Variants in ARHGAP10 observed in about 807,000 individuals in gnomAD.
ARHGAP10 encodes Rho GTPase activating protein 10, also known as rho GTPase-activating protein 10.
ARHGAP10 carries 87 observed loss-of-function variants against 108.6 expected under a neutral mutation model. That is an observed-to-expected ratio of 0.80 (90% CI 0.67 to 0.96). The LOEUF (loss-of-function observed/expected upper bound fraction) is 0.96, where lower values mean the gene tolerates loss of function less well. Ranked by LOEUF, ARHGAP10 falls within the 40% of genes least tolerant of loss-of-function variation. The probability of loss-of-function intolerance (pLI) is 0.00; values close to 1 mark genes in which losing one functional copy is unlikely to be tolerated. For synonymous variants in ARHGAP10, 347 were observed against 341.1 expected, an observed-to-expected ratio of 1.02 and a Z score of -0.19; for missense variants, 939 against 954.5, an observed-to-expected ratio of 0.98 and a Z score of 0.21.
intron 1 of ARHGAP10, among the ~76,000 whole-genome samples, chr4:147,743,882 A>G (rs1728798894): frequency 1.3e-5 from 2 of 152,220 alleles, no homozygotes; most frequent in African/African-American, 4.8e-5. Context: ...AATTGCCTGA[A>G]CCATAGTGAA....
At chr4:147,740,747 T>A (rs1728622718) in intron 1 of ARHGAP10, among the ~76,000 whole-genome samples, 1 of 152,206 alleles carries the variant, frequency 6.6e-6, no homozygotes. Flanking sequence ...TTTAACTTAT[T>A]CTTTTAGTAT....
At chr4:147,980,082 GGTGAGAGTGGACACCCTTGTCTA>G (rs1401086900) in intron 18 of ARHGAP10, among the ~76,000 whole-genome samples, 1 of 152,162 alleles carries the variant, frequency 6.6e-6, no homozygotes, top group Admixed American at 6.6e-5. Flanking sequence ...GAATAGGAAT[GGTGAGAGTGGACACCCTTGTCTA>G]GTTCCGGTTC....
intron 8 of ARHGAP10, among the ~76,000 whole-genome samples, chr4:147,876,613 A>G (rs1467431842): frequency 1.3e-5 from 2 of 152,080 alleles, no homozygotes; most frequent in Non-Finnish European, 2.9e-5. Flanking sequence ...AAAAAACAAA[A>G]CAAAACAAAA....
At chr4:147,907,630 G>A (rs1353648468) in intron 11 of ARHGAP10, among the ~76,000 whole-genome samples, 2 of 152,210 alleles carry the variant, frequency 1.3e-5, no homozygotes, top group Non-Finnish European at 2.9e-5. Context: ...GCATTGGTGA[G>A]TGTATAGGAA....
chr4:148,050,048 G>T (rs546521267), intron 20 of ARHGAP10, among the ~76,000 whole-genome samples: 10 of 152,114 alleles, frequency 6.6e-5, no homozygotes, highest in Admixed American at 5.2e-4. Flanking sequence ...CATATTTTTG[G>T]TAGAGATGGG....
At chr4:148,016,740 GC>G (rs1468608693) in intron 18 of ARHGAP10, among the ~76,000 whole-genome samples, 9 of 152,166 alleles carry the variant, frequency 5.9e-5, no homozygotes, top group African/African-American at 2.2e-4. Context: ...CCCCAAGACT[GC>G]CCCCTTTTCA....
At chr4:148,002,335 T>C (rs1398445709) in intron 18 of ARHGAP10, among the ~76,000 whole-genome samples, 2 of 152,208 alleles carry the variant, frequency 1.3e-5, no homozygotes, top group Non-Finnish European at 2.9e-5. Flanking sequence ...TTGAGGATTT[T>C]TGCATCAATG....
intron 19 of ARHGAP10, among the ~76,000 whole-genome samples, chr4:148,032,073 C>A (rs575672644): frequency 1.3e-5 from 2 of 152,146 alleles, no homozygotes; most frequent in South Asian, 4.2e-4. Context: ...TTTGCTGTTG[C>A]TTTTCTGTTT....
At chr4:148,066,644 G>A (rs1402886998) in intron 22 of ARHGAP10, among the ~76,000 whole-genome samples, 1 of 152,238 alleles carries the variant, frequency 6.6e-6, no homozygotes, top group Non-Finnish European at 1.5e-5. Context: ...GAGGAGGAGA[G>A]CCACTGACTG....
intron 8 of ARHGAP10, 32 bp downstream of exon 8, chr4:147,875,182 T>C (rs1360479825): frequency 6.6e-7 from 1 of 1,525,332 alleles, no homozygotes; most frequent in Admixed American, 2.4e-5. Flanking sequence ...GCTGCGTGGC[T>C]GCTTAAAAAT....
chr4:147,824,636 AC>A (rs150967892), intron 3 of ARHGAP10, among the ~76,000 whole-genome samples: 2,801 of 152,262 alleles, frequency 0.018, 87 homozygotes, highest in African/African-American at 0.064. Context: ...CACCTTCTTC[AC>A]AAGGTGGCAG....
chr4:147,848,706 T>C (rs1733733361), intron 4 of ARHGAP10, among the ~76,000 whole-genome samples: 1 of 152,224 alleles, frequency 6.6e-6, no homozygotes, highest in Admixed American at 6.5e-5. Context: ...GAAATGAAAA[T>C]TGAGTGCGAG....
chr4:148,047,948 A>G (rs142908675), intron 20 of ARHGAP10, among the ~76,000 whole-genome samples: 1,625 of 151,984 alleles, frequency 0.011, 18 homozygotes, highest in African/African-American at 0.031. Context: ...TCAGCCTCCC[A>G]AGTAGCTGGG....
At chr4:147,992,322 C>A (rs1182972874) in intron 18 of ARHGAP10, among the ~76,000 whole-genome samples, 1 of 152,232 alleles carries the variant, frequency 6.6e-6, no homozygotes, top group Non-Finnish European at 1.5e-5. Context: ...CCCCTTCACA[C>A]TGAGTCACAC....
intron 18 of ARHGAP10, among the ~76,000 whole-genome samples, chr4:148,017,652 C>T (rs1003874497): frequency 9.5e-6 from 1 of 105,334 alleles, no homozygotes; most frequent in Non-Finnish European, 1.8e-5. Context: ...GAGCCAGTAA[C>T]TATATATATA....
chr4:147,929,946 CAT>C (rs771745366), intron 13 of ARHGAP10, among the ~76,000 whole-genome samples: 24 of 152,186 alleles, frequency 1.6e-4, no homozygotes, highest in African/African-American at 4.8e-4. Context: ...TGTGCATACA[CAT>C]GTGTGTATAT....
chr4:147,959,441 A>G (rs775963077), intron 16 of ARHGAP10, among the ~76,000 whole-genome samples: 1 of 152,146 alleles, frequency 6.6e-6, no homozygotes, highest in Non-Finnish European at 1.5e-5. Flanking sequence ...GTATGTATAC[A>G]TGTGCCATGT....
chr4:147,878,971 C>T (rs933240086), intron 8 of ARHGAP10, among the ~76,000 whole-genome samples: 17 of 151,798 alleles, frequency 1.1e-4, no homozygotes, highest in Non-Finnish European at 2.2e-4. Flanking sequence ...GGAGTTTCAC[C>T]GTGTTAGCCA....
intron 9 of ARHGAP10, 61 bp downstream of exon 9, chr4:147,879,399 T>A: frequency 7.1e-7 from 1 of 1,407,670 alleles, no homozygotes; most frequent in Non-Finnish European, 9.8e-7. Flanking sequence ...TTTGAGGGTG[T>A]CATTTTAATG....
Sources: allele counts gnomAD v4.1 joint callset (sites outside exome capture counted in the v4.1 genomes callset), GRCh38; gene constraint gnomAD v4.1.1; transcripts MANE v1.5; gene names NCBI Gene and HGNC (gene_info 2026-07-23, HGNC 2026-07-21).